HS6ST1: variants seen among roughly 807,000 people sequenced by gnomAD.
The protein encoded by HS6ST1 is heparan-sulfate 6-O-sulfotransferase 1.
In HS6ST1, 3 loss-of-function variants were observed where a neutral mutation model predicts 25.2. The ratio of observed to expected loss-of-function variants is 0.12; its 90% CI spans 0.05 to 0.31. The LOEUF (loss-of-function observed/expected upper bound fraction) is 0.31. HS6ST1 is among the 10% of genes least tolerant of loss of function. HS6ST1 has a pLI of 1.00. For synonymous variants in HS6ST1, 204 were observed against 275.1 expected (o/e 0.74, Z 2.56); for missense variants, 310 against 609.6 (o/e 0.51, Z 5.18).
chr2:128,291,930 G>A (rs1262715955), intron 1 of HS6ST1, among the ~76,000 whole-genome samples: 1 of 152,220 alleles, frequency 6.6e-6, no homozygotes, highest in African/African-American at 2.4e-5. Flanking sequence ...GCTCAGGGCT[G>A]ACAGGCTCCT....
In HS6ST1 at chr2:128,297,352, T is replaced by C. The variant is rs1558876859; in HGVS notation, c.527+20685A>G. On this transcript the variant is annotated intron_variant, in intron 1 of 1. Transcript: ENST00000259241. ...AAAAGAAGGAAATTGGACCCTTATCTAACATTATACATAGAAATTAACTCA... is the reference window on the plus strand; with the variant it reads ...AAAAGAAGGAAATTGGACCCTTATCCAACATTATACATAGAAATTAACTCA... 2.0e-5 allele frequency among the ~76,000 whole-genome samples: 3 copies of C among 152,296 alleles called. No homozygotes were observed. In the East Asian group the frequency reaches 5.8e-4, roughly 29 times the overall value.
intron 1 of HS6ST1, among the ~76,000 whole-genome samples, chr2:128,271,186 G>A (rs571918367): frequency 5.9e-5 from 9 of 152,350 alleles, no homozygotes; most frequent in Admixed American, 5.2e-4. Context: ...GGTTAGCAGC[G>A]GGGACAGATC....
Position 128,270,486 on chromosome 2 carries a change from G to A in HS6ST1, c.528-1616C>T, listed in dbSNP as rs1188698461. 2.0e-5 allele frequency among the ~76,000 whole-genome samples: 3 copies of A among 152,238 alleles called. No individual in the cohort carries two copies. In the South Asian group the frequency reaches 6.2e-4, roughly 31 times the overall value. On this transcript the variant is annotated intron_variant, in intron 1 of 1. Coordinates refer to ENST00000259241, the MANE Select transcript of HS6ST1 (RefSeq NM_004807.3). ...TGGCAGCAGCTCCTGGGCACTCGGG[G>A]CCTCAAGGGCCAGAGGGCGGGACCT...
chr2:128,273,717 C>T (rs1022077574), intron 1 of HS6ST1, among the ~76,000 whole-genome samples: 2 of 152,270 alleles, frequency 1.3e-5, no homozygotes, highest in Non-Finnish European at 2.9e-5. Flanking sequence ...GTGCTCCGTC[C>T]TCTTTCCTCC....
At chr2:128,309,620 T>C (rs865872994) in intron 1 of HS6ST1, among the ~76,000 whole-genome samples, 2 of 152,226 alleles carry the variant, frequency 1.3e-5, no homozygotes, top group African/African-American at 4.8e-5. Flanking sequence ...TCTCTCCAGT[T>C]TGTATCTTTC....
intron 1 of HS6ST1, chr2:128,289,518 C>T (rs944595969): frequency 7.9e-5 from 12 of 152,232 alleles, no homozygotes; most frequent in African/African-American, 2.4e-4. Context: ...TGCTCACCCA[C>T]GTGCACGGTC....
chr2:128,277,553 C>T (rs1051686259), intron 1 of HS6ST1, among the ~76,000 whole-genome samples: 3 of 152,206 alleles, frequency 2.0e-5, no homozygotes, highest in Admixed American at 6.5e-5. Context: ...TCTGTGCAGC[C>T]GGCCTACGTC....
chr2:128,311,959 C>T (rs142386256), intron 1 of HS6ST1, among the ~76,000 whole-genome samples: 2 of 152,364 alleles, frequency 1.3e-5, no homozygotes, highest in African/African-American at 4.8e-5. Context: ...TGCCAGGGGC[C>T]GACTCTCAGG....
intron 1 of HS6ST1, among the ~76,000 whole-genome samples, chr2:128,304,652 A>G (rs1694181578): frequency 6.6e-6 from 1 of 152,230 alleles, no homozygotes; most frequent in African/African-American, 2.4e-5. Context: ...CGCTGTAGTC[A>G]GATGCTGGCC....
At chr2:128,276,055 ACGTG>A (rs1240205275) in intron 1 of HS6ST1, among the ~76,000 whole-genome samples, 4 of 152,238 alleles carry the variant, frequency 2.6e-5, no homozygotes, top group Admixed American at 2.6e-4. Flanking sequence ...TATGATGGTA[ACGTG>A]TATTTTATCA....
intron 1 of HS6ST1, among the ~76,000 whole-genome samples, chr2:128,310,187 T>G (rs1358736547): frequency 6.6e-6 from 1 of 152,180 alleles, no homozygotes; most frequent in East Asian, 1.9e-4. Context: ...GGCAGCTGAA[T>G]CCCTATGGAT....
intron 1 of HS6ST1, among the ~76,000 whole-genome samples, chr2:128,284,397 T>A (rs1435766442): frequency 6.6e-6 from 1 of 151,962 alleles, no homozygotes; most frequent in Admixed American, 6.5e-5. Flanking sequence ...CCCTCCCACA[T>A]TACACCCATG....
rs1255060940 is a variant in HS6ST1, at chr2:128,268,130, C to G, written c.*32G>C. 3 of 1,511,498 alleles carry G rather than the reference C, an allele frequency of 2.0e-6. No individual in the cohort carries two copies. The highest frequency in any genetic ancestry group is 2.7e-6 in the Non-Finnish European group (3 of 1,106,092). 93.6% of individuals were successfully genotyped at this position (1,511,498 alleles called of 1,614,324 possible). A position where few individuals can be genotyped will look rare whatever the true frequency, so the allele number is the denominator to read the frequency against. ...CTGTCCTGTTTTATCCCCCACACCC[C>G]CCAAGAGGCCTCCCCGTGGCCACCA... On this transcript the variant is annotated 3_prime_UTR_variant, in exon 2 of 2. Transcript: ENST00000259241.
At position 128,318,449 on chromosome 2, in the gene HS6ST1, C is replaced by G; in HGVS notation, c.115G>C (p.Gly39Arg). 6.3e-7 allele frequency: 1 copy of G among 1,589,714 alleles called. No individual in the cohort carries two copies. The highest frequency in any genetic ancestry group is 1.1e-5 in the South Asian group (1 of 89,808). The change falls in exon 1 of 2, where the codon GGA (glycine) becomes CGA (arginine). Residue 39 changes from glycine (G) to arginine (R), a missense_variant. Gly to Arg is a moderately radical substitution (Grantham distance 125). Coordinates refer to ENST00000259241, the MANE Select transcript of HS6ST1 (RefSeq NM_004807.3). The surrounding 1 kb of genome is among the most constrained non-coding windows in gnomAD (Gnocchi z 5.7). ...MLILYQYAGPGLSLGAPGGRA... is the reference protein window; with the variant it reads ...MLILYQYAGPRLSLGAPGGRA... ...CCGCCGGGCGCGCCCAGGCTCAGTC[C>G]TGGGCCCGCGTACTGGTACAAGATG...
chr2:128,317,529 C>G (rs1053065278), intron 1 of HS6ST1, among the ~76,000 whole-genome samples: 1 of 152,238 alleles, frequency 6.6e-6, no homozygotes, highest in African/African-American at 2.4e-5. Context: ...AGCCAGCCCC[C>G]TTCCCTGGCA....
intron 1 of HS6ST1, among the ~76,000 whole-genome samples, chr2:128,317,165 C>G (rs1694383892): frequency 1.3e-5 from 2 of 152,222 alleles, no homozygotes; most frequent in Non-Finnish European, 2.9e-5. Flanking sequence ...CCCAGCAGCA[C>G]CCCAGGTTCC....
intron 1 of HS6ST1, among the ~76,000 whole-genome samples, chr2:128,290,800 C>G (rs13393462): frequency 5.2e-5 from 7 of 134,676 alleles, no homozygotes; most frequent in Non-Finnish European, 9.1e-5. Flanking sequence ...GGCGAAACAC[C>G]GTCTCTACTA....
chr2:128,291,954 C>T (rs1484722372), intron 1 of HS6ST1, among the ~76,000 whole-genome samples: 1 of 152,254 alleles, frequency 6.6e-6, no homozygotes, highest in East Asian at 1.9e-4. Context: ...AATGCACACT[C>T]TTCTCAACGC....
intron 1 of HS6ST1, among the ~76,000 whole-genome samples, chr2:128,307,579 G>A (rs1021059723): frequency 6.6e-6 from 1 of 152,192 alleles, no homozygotes; most frequent in Non-Finnish European, 1.5e-5. Flanking sequence ...GAACCAATAC[G>A]CGAAGCACAA....
Sources: gnomAD v4.1 joint callset for allele counts (sites outside exome capture counted in the v4.1 genomes callset) on GRCh38, gnomAD v4.1.1 for gene constraint, Gnocchi (gnomAD v3.1) non-coding constraint, MANE v1.5 for transcripts, NCBI Gene and HGNC (gene_info 2026-07-23, HGNC 2026-07-21) for gene names.